DAB1: variants seen among roughly 807,000 people sequenced by gnomAD.
The protein encoded by DAB1 is DAB adaptor protein 1.
DAB1 carries 15 observed loss-of-function variants against 64.6 expected under a neutral mutation model. The observed-to-expected ratio is 0.23, with a 90% CI of 0.16 to 0.36. The LOEUF is 0.36. DAB1 is among the 10% of genes least tolerant of loss of function. The pLI is 1.00. For missense variants in DAB1, 596 were observed against 706.7 expected (o/e 0.84, Z 1.78); for synonymous variants, 235 against 251.9 (o/e 0.93, Z 0.64).
chr1:58,224,045 A>G (rs975585847), intron 4 of DAB1, among the ~76,000 whole-genome samples: 1 of 152,200 alleles, frequency 6.6e-6, no homozygotes, highest in Non-Finnish European at 1.5e-5. Context: ...ACCTGCCTCA[A>G]CTGTGGGCTA....
At chr1:57,847,419 A>T (rs564272774) in intron 1 of DAB1, among the ~76,000 whole-genome samples, 4,685 of 152,304 alleles carry the variant, frequency 0.031, 227 homozygotes, top group African/African-American at 0.11. Context: ...TTATGACAGT[A>T]AATATAAATG....
At chr1:57,752,619 C>G (rs1311878995) in intron 6 of DAB1, among the ~76,000 whole-genome samples, 1 of 152,146 alleles carries the variant, frequency 6.6e-6, no homozygotes, top group Non-Finnish European at 1.5e-5. Context: ...AATTTGTCAT[C>G]AGTGTCACAC....
At chr1:57,090,390 A>ATCTAGCATCTAGT (rs1653538955) in intron 4 of DAB1, among the ~76,000 whole-genome samples, 1 of 152,184 alleles carries the variant, frequency 6.6e-6, no homozygotes, top group Non-Finnish European at 1.5e-5. Flanking sequence ...ATTAATCCGC[A>ATCTAGCATCTAGT]AAAGTAGGCA....
At chr1:58,255,514 C>T (rs1660909706) in intron 4 of DAB1, among the ~76,000 whole-genome samples, 1 of 152,010 alleles carries the variant, frequency 6.6e-6, no homozygotes, top group Non-Finnish European at 1.5e-5. Context: ...TCATGGCCAC[C>T]AACAGCTCTA....
chr1:57,358,408 T>A (rs1488746373), intron 1 of DAB1, among the ~76,000 whole-genome samples: 3 of 152,102 alleles, frequency 2.0e-5, no homozygotes, highest in Non-Finnish European at 2.9e-5. Context: ...GAAATGATCA[T>A]AAGGTTTTTG....
chr1:57,728,565 G>C (rs1424901758), intron 6 of DAB1, among the ~76,000 whole-genome samples: 2 of 151,730 alleles, frequency 1.3e-5, no homozygotes, highest in African/African-American at 2.4e-5. Flanking sequence ...CCGTACTCCA[G>C]CCTGGGCCAC....
chr1:57,934,142 G>T (rs1481795081), intron 5 of DAB1, among the ~76,000 whole-genome samples: 1 of 149,556 alleles, frequency 6.7e-6, no homozygotes, highest in African/African-American at 2.5e-5. Context: ...GGTCAGGCTG[G>T]TCTCAAACCC....
intron 4 of DAB1, among the ~76,000 whole-genome samples, chr1:58,219,292 G>A (rs72910406): frequency 0.014 from 2,191 of 152,180 alleles, 45 homozygotes; most frequent in African/African-American, 0.05. Flanking sequence ...AGGAAAGAAG[G>A]AAGGAAATGC....
intron 3 of DAB1, among the ~76,000 whole-genome samples, chr1:58,407,471 A>C (rs1035641499): frequency 3.3e-5 from 5 of 152,158 alleles, no homozygotes; most frequent in Non-Finnish European, 7.3e-5. Flanking sequence ...ATCAGGAATG[A>C]TTTGCCCCCT....
chr1:57,523,860 A>G (rs2805885), intron 7 of DAB1, among the ~76,000 whole-genome samples: 108,285 of 151,866 alleles, frequency 0.71, 38,747 homozygotes, highest in South Asian at 0.78. Context: ...AGGAGGCAGA[A>G]GTTGCAGTGA....
At chr1:58,433,670 G>GGAGAGA (rs60954569) in intron 3 of DAB1, among the ~76,000 whole-genome samples, 9 of 142,202 alleles carry the variant, frequency 6.3e-5, no homozygotes, top group Admixed American at 3.5e-4. Context: ...GGGAGGCGGG[G>GGAGAGA]GAGAGAGAGA....
At chr1:57,605,435 A>C (rs554251986) in intron 7 of DAB1, among the ~76,000 whole-genome samples, 1 of 152,286 alleles carries the variant, frequency 6.6e-6, no homozygotes, top group East Asian at 1.9e-4. Context: ...TGGCCCTTCA[A>C]GGACATACAG....
At chr1:57,024,770 C>T (rs1232498009) in intron 10 of DAB1, among the ~76,000 whole-genome samples, 1 of 152,186 alleles carries the variant, frequency 6.6e-6, no homozygotes, top group Non-Finnish European at 1.5e-5. Flanking sequence ...TCTCTTCAAC[C>T]CTTTCTAGCT....
chr1:58,461,620 G>A (rs1468041667), intron 3 of DAB1, among the ~76,000 whole-genome samples: 1 of 152,140 alleles, frequency 6.6e-6, no homozygotes, highest in South Asian at 2.1e-4. Flanking sequence ...AGCTAAAAAA[G>A]GGTCAGAAAG....
chr1:57,292,759 G>C (rs562495031), intron 1 of DAB1, among the ~76,000 whole-genome samples: 1 of 152,222 alleles, frequency 6.6e-6, no homozygotes, highest in South Asian at 2.1e-4. Context: ...AGAGTACATA[G>C]TCAAGGGTTG....
chr1:58,232,471 G>C (rs1321908083), intron 4 of DAB1, among the ~76,000 whole-genome samples: 1 of 141,602 alleles, frequency 7.1e-6, no homozygotes, highest in Non-Finnish European at 1.5e-5. Flanking sequence ...TGACATCTGA[G>C]TGAATACACA....
intron 3 of DAB1, among the ~76,000 whole-genome samples, chr1:58,495,462 T>A (rs1432519550): frequency 6.6e-6 from 1 of 152,138 alleles, no homozygotes; most frequent in African/African-American, 2.4e-5. Context: ...TAGTTTCTCA[T>A]GCCACTTAAA....
intron 7 of DAB1, among the ~76,000 whole-genome samples, chr1:57,525,226 T>C (rs1644577044): frequency 1.3e-5 from 2 of 152,176 alleles, no homozygotes; most frequent in Non-Finnish European, 2.9e-5. Flanking sequence ...AGAATGGTCA[T>C]GGGAAATTCC....
chr1:57,366,384 T>C (rs1282161669), intron 1 of DAB1, among the ~76,000 whole-genome samples: 5 of 152,186 alleles, frequency 3.3e-5, no homozygotes, highest in African/African-American at 4.8e-5. Context: ...GCTAGATGCA[T>C]TTTTCATTTT....
Sources: gnomAD v4.1 joint callset for allele counts (sites outside exome capture counted in the v4.1 genomes callset) on GRCh38, gnomAD v4.1.1 for gene constraint, MANE v1.5 for transcripts, NCBI Gene and HGNC (gene_info 2026-07-23, HGNC 2026-07-21) for gene names.